The following DAB1 variants were observed in gnomAD, a reference collection of about 807,000 sequenced individuals.
DAB1 encodes disabled homolog 1.
A neutral mutation model predicts 64.6 loss-of-function variants in DAB1; 15 were observed. The ratio of observed to expected loss-of-function variants is 0.23; its 90% CI spans 0.16 to 0.36. The LOEUF is 0.36. Ranked by LOEUF, DAB1 falls within the 10% of genes least tolerant of loss-of-function variation. DAB1 has a pLI of 1.00. For missense variants in DAB1, 596 were observed against 706.7 expected, an observed-to-expected ratio of 0.84 and a Z score of 1.78; for synonymous variants, 235 against 251.9, an observed-to-expected ratio of 0.93 and a Z score of 0.64.
intron 6 of DAB1, among the ~76,000 whole-genome samples, chr1:57,819,356 G>C (rs984477802): frequency 1.3e-5 from 2 of 152,206 alleles, no homozygotes; most frequent in African/African-American, 4.8e-5. Context: ...TTCCTTTACG[G>C]AGGATATCCT....
chr1:57,160,522 C>T (rs1660645234), intron 2 of DAB1, among the ~76,000 whole-genome samples: 2 of 152,184 alleles, frequency 1.3e-5, no homozygotes, highest in East Asian at 3.9e-4. Flanking sequence ...TCTGAATCCA[C>T]AGTCATGATA....
At chr1:58,063,785 C>T (rs1035725969) in intron 5 of DAB1, among the ~76,000 whole-genome samples, 1 of 152,052 alleles carries the variant, frequency 6.6e-6, no homozygotes, top group African/African-American at 2.4e-5. Flanking sequence ...ATGGGAAAGC[C>T]GCAGGTGGAT....
At chr1:58,499,712 C>T (rs1009964488) in intron 3 of DAB1, among the ~76,000 whole-genome samples, 1 of 151,706 alleles carries the variant, frequency 6.6e-6, no homozygotes, top group East Asian at 1.9e-4. Context: ...TTGATTTAAC[C>T]ATTACACAAT....
chr1:58,094,312 T>C (rs1570345016), intron 5 of DAB1, among the ~76,000 whole-genome samples: 1 of 152,238 alleles, frequency 6.6e-6, no homozygotes, highest in Non-Finnish European at 1.5e-5. Context: ...AAATATCCTT[T>C]GTTTTACATT....
chr1:58,485,228 T>TAAAAAAAAAAAAAAAAAAAAAAA (rs71043289), intron 3 of DAB1, among the ~76,000 whole-genome samples: 2 of 42,034 alleles, frequency 4.8e-5, no homozygotes, highest in Non-Finnish European at 8.3e-5. Flanking sequence ...AGTCTACTAC[T>TAAAAAAAAAAAAAAAAAAAAAAA]AAAAAAAAAA....
At chr1:57,191,385 A>C (rs759392564) in intron 2 of DAB1, among the ~76,000 whole-genome samples, 3 of 152,212 alleles carry the variant, frequency 2.0e-5, no homozygotes, top group Non-Finnish European at 2.9e-5. Flanking sequence ...AAAACAAATC[A>C]GCAATAATTA....
intron 1 of DAB1, among the ~76,000 whole-genome samples, chr1:57,408,468 G>A (rs1444930518): frequency 1.3e-5 from 2 of 152,068 alleles, no homozygotes. Context: ...CTTCAAGTCA[G>A]GATAGGTTTT....
At chr1:57,671,461 A>T (rs1646509429) in intron 6 of DAB1, among the ~76,000 whole-genome samples, 2 of 152,126 alleles carry the variant, frequency 1.3e-5, no homozygotes, top group South Asian at 2.1e-4. Flanking sequence ...CTCAGTAAGA[A>T]ATCTGAAGTC....
chr1:57,201,696 T>C (rs945692953), intron 2 of DAB1, among the ~76,000 whole-genome samples: 1 of 152,162 alleles, frequency 6.6e-6, no homozygotes, highest in Non-Finnish European at 1.5e-5. Flanking sequence ...ACATAGTATT[T>C]TCTCCCAAAG....
At chr1:58,094,329 G>T (rs2100618132) in intron 5 of DAB1, among the ~76,000 whole-genome samples, 1 of 152,338 alleles carries the variant, frequency 6.6e-6, no homozygotes, top group South Asian at 2.1e-4. Context: ...CATTCTTTGA[G>T]TGGATTGTTT....
chr1:57,073,124 G>A (rs2100601091), intron 4 of DAB1, among the ~76,000 whole-genome samples: 1 of 152,234 alleles, frequency 6.6e-6, no homozygotes. Context: ...CTGTCTCCCT[G>A]GAGAAATAAT....
chr1:57,020,698 T>G (rs1646586381), intron 11 of DAB1, among the ~76,000 whole-genome samples: 1 of 152,220 alleles, frequency 6.6e-6, no homozygotes, highest in African/African-American at 2.4e-5. Flanking sequence ...CACTAAATAT[T>G]GATGATGTGC....
At chr1:57,073,063 G>A (rs12131230) in intron 4 of DAB1, among the ~76,000 whole-genome samples, 31,352 of 152,034 alleles carry the variant, frequency 0.21, 3,773 homozygotes, top group East Asian at 0.48. Flanking sequence ...TTCAATGGCC[G>A]TATGAAATAG....
intron 3 of DAB1, among the ~76,000 whole-genome samples, chr1:58,362,922 T>A (rs11207208): frequency 6.6e-6 from 1 of 152,096 alleles, no homozygotes; most frequent in Admixed American, 6.5e-5. Flanking sequence ...TTTATTTTCT[T>A]ACATTTCCGG....
chr1:58,510,645 A>G (rs1051119462), intron 2 of DAB1, among the ~76,000 whole-genome samples: 3 of 152,130 alleles, frequency 2.0e-5, no homozygotes, highest in Middle Eastern at 3.2e-3. Context: ...AAGAGAAAGA[A>G]ATAAAAGGCA....
At chr1:57,711,127 T>G (rs908634534) in intron 6 of DAB1, among the ~76,000 whole-genome samples, 1 of 152,238 alleles carries the variant, frequency 6.6e-6, no homozygotes, top group Non-Finnish European at 1.5e-5. Context: ...CTTAGCAGAA[T>G]TGGCTCCACT....
intron 6 of DAB1, among the ~76,000 whole-genome samples, chr1:57,803,532 AAAC>A (rs1360579230): frequency 6.6e-6 from 1 of 152,220 alleles, no homozygotes; most frequent in African/African-American, 2.4e-5. Flanking sequence ...GTGGAGGGAC[AAAC>A]AACAAATACC....
intron 4 of DAB1, among the ~76,000 whole-genome samples, chr1:58,287,543 T>C (rs1480061983): frequency 6.6e-6 from 1 of 151,166 alleles, no homozygotes; most frequent in Non-Finnish European, 1.5e-5. Context: ...TCAGGAAGGG[T>C]CATCAACTAG....
chr1:58,307,983 C>T (rs1017452105), intron 4 of DAB1, among the ~76,000 whole-genome samples: 2 of 151,910 alleles, frequency 1.3e-5, no homozygotes, highest in Admixed American at 6.6e-5. Context: ...GGCACTGGAG[C>T]GAGAGACCTT....
Sources: gnomAD v4.1 joint callset for allele counts (sites outside exome capture counted in the v4.1 genomes callset) on GRCh38, gnomAD v4.1.1 for gene constraint, MANE v1.5 for transcripts, NCBI Gene and HGNC (gene_info 2026-07-23, HGNC 2026-07-21) for gene names.